GARIN2: variants seen among roughly 807,000 people sequenced by gnomAD.
GARIN2 encodes the protein golgi associated RAB2 interactor family member 2.
the GARIN2 span, among the ~76,000 whole-genome samples, chr14:67,194,251 C>CTTTTTG: frequency 4.0e-5 from 6 of 151,500 alleles, no homozygotes; most frequent in Admixed American, 3.3e-4. Flanking sequence ...GTGGTCCCAA[C>CTTTTTG]TACTCGGGAG....
At chr14:67,190,404 A>G in the GARIN2 span, among the ~76,000 whole-genome samples, 1 of 145,408 alleles carries the variant, frequency 6.9e-6, no homozygotes, top group African/African-American at 2.6e-5. Context: ...TTGTAATATT[A>G]GTAGAGACAG....
the GARIN2 span, among the ~76,000 whole-genome samples, chr14:67,217,177 T>A: frequency 2.0e-5 from 3 of 152,110 alleles, no homozygotes; most frequent in African/African-American, 7.2e-5. Context: ...CTTTTTTTTT[T>A]ACAGTTTCTG....
chr14:67,225,153 C>G, the GARIN2 span: 2 of 1,585,200 alleles, frequency 1.3e-6, no homozygotes, highest in Non-Finnish European at 1.7e-6. Context: ...TTCTAATTTC[C>G]TCAAACTTGT....
chr14:67,193,086 CTATATCTCTA>C, the GARIN2 span, among the ~76,000 whole-genome samples: 30 of 142,870 alleles, frequency 2.1e-4, no homozygotes, highest in African/African-American at 7.0e-4. Flanking sequence ...ATATATCTAT[CTATATCTCTA>C]TATATCTCTA....
the GARIN2 span, among the ~76,000 whole-genome samples, chr14:67,210,033 G>A: frequency 6.6e-6 from 1 of 152,224 alleles, no homozygotes; most frequent in African/African-American, 2.4e-5. Context: ...TTCATTAGGT[G>A]TCAACAACAC....
chr14:67,204,667 T>A, the GARIN2 span: 3 of 1,613,932 alleles, frequency 1.9e-6, no homozygotes, highest in Non-Finnish European at 2.5e-6. Flanking sequence ...GGACACCTTG[T>A]TTTCTCAATG....
At chr14:67,221,728 T>C in the GARIN2 span, 1 of 1,604,554 alleles carries the variant, frequency 6.2e-7, no homozygotes. Context: ...CTTTTCTAAA[T>C]ATTTGTGGTT....
the GARIN2 span, among the ~76,000 whole-genome samples, chr14:67,191,430 A>G: frequency 4.6e-5 from 7 of 152,224 alleles, no homozygotes; most frequent in African/African-American, 1.2e-4. Context: ...AGGGGCATGT[A>G]CAGACATCCC....
At chr14:67,214,827 C>T in the GARIN2 span, among the ~76,000 whole-genome samples, 1 of 152,166 alleles carries the variant, frequency 6.6e-6, no homozygotes, top group East Asian at 1.9e-4. Flanking sequence ...TTATTTGTAT[C>T]CTCTTTGATT....
chr14:67,193,092 C>A, the GARIN2 span, among the ~76,000 whole-genome samples: 1 of 142,182 alleles, frequency 7.0e-6, no homozygotes, highest in Non-Finnish European at 1.5e-5. Context: ...CTATCTATAT[C>A]TCTATATATC....
chr14:67,195,026 ATTGGAGATG>A, the GARIN2 span, among the ~76,000 whole-genome samples: 1 of 152,202 alleles, frequency 6.6e-6, no homozygotes, highest in African/African-American at 2.4e-5. Context: ...AACTAGGATA[ATTGGAGATG>A]TTGGTGGGGT....
chr14:67,190,442 C>T, the GARIN2 span, among the ~76,000 whole-genome samples: 2 of 150,980 alleles, frequency 1.3e-5, no homozygotes, highest in Non-Finnish European at 1.5e-5. Flanking sequence ...AGGCTGGTCT[C>T]GAACTCCTGA....
At chr14:67,193,965 C>CAAAAAAAAAAAT in the GARIN2 span, among the ~76,000 whole-genome samples, 4 of 131,134 alleles carry the variant, frequency 3.1e-5, no homozygotes, top group Non-Finnish European at 6.5e-5. Context: ...AAAAAAAAAA[C>CAAAAAAAAAAAT]GAAAAACAAA....
the GARIN2 span, chr14:67,208,262 T>C: frequency 1.2e-6 from 2 of 1,613,870 alleles, no homozygotes; most frequent in South Asian, 2.2e-5. Flanking sequence ...TAAGAGTGAG[T>C]TGAAAGAATC....
At chr14:67,195,651 T>A in the GARIN2 span, among the ~76,000 whole-genome samples, 1 of 152,120 alleles carries the variant, frequency 6.6e-6, no homozygotes, top group Non-Finnish European at 1.5e-5. Context: ...ATATTATTAT[T>A]TTATGTGCCA....
the GARIN2 span, among the ~76,000 whole-genome samples, chr14:67,212,425 A>C: frequency 1.3e-5 from 2 of 150,736 alleles, no homozygotes; most frequent in African/African-American, 4.9e-5. Flanking sequence ...CTGTCTCTAC[A>C]AAAAAAATAC....
At chr14:67,203,017 T>G in the GARIN2 span, 1 of 1,467,158 alleles carries the variant, frequency 6.8e-7, no homozygotes, top group South Asian at 1.3e-5. Flanking sequence ...TACCCTCTCT[T>G]ACACTTCTCA....
At chr14:67,224,625 ATT>A in the GARIN2 span, 41 of 270,264 alleles carry the variant, frequency 1.5e-4, no homozygotes, top group South Asian at 3.3e-4. Flanking sequence ...TAACTTTTAA[ATT>A]TTTTTTTTTA....
the GARIN2 span, among the ~76,000 whole-genome samples, chr14:67,219,248 A>G: frequency 6.6e-6 from 1 of 152,138 alleles, no homozygotes; most frequent in Non-Finnish European, 1.5e-5. Context: ...TTTGGTAGCA[A>G]TGGGGGCTGG....
Sources: allele counts gnomAD v4.1 joint callset (sites outside exome capture counted in the v4.1 genomes callset), GRCh38; gene constraint gnomAD v4.1.1; transcripts MANE v1.5; gene names NCBI Gene and HGNC (gene_info 2026-07-23, HGNC 2026-07-21).